The following CDH4 variants were observed in gnomAD, a reference collection of about 807,000 sequenced individuals.
CDH4 encodes the protein cadherin-4.
In CDH4, 33 loss-of-function variants were observed where a neutral mutation model predicts 86.0. The ratio of observed to expected loss-of-function variants is 0.38; its 90% CI spans 0.29 to 0.51. The LOEUF (loss-of-function observed/expected upper bound fraction) is 0.51, where lower values mean the gene tolerates loss of function less well. Among genes scored for constraint, CDH4 ranks in the 20% least tolerant of loss-of-function variants. CDH4 has a pLI of 0.86. For missense variants in CDH4, 1,114 were observed against 1,307.4 expected, an observed-to-expected ratio of 0.85 and a Z score of 2.28; for synonymous variants, 555 against 549.4, an observed-to-expected ratio of 1.01 and a Z score of -0.14.
rs372521090 is a variant in CDH4 at position 61,367,867 on chromosome 20, C to CTT, written c.169+112950_169+112951dup. Among the ~76,000 whole-genome samples the CTT allele has an allele frequency of 2.7e-3, 322 of 118,998 alleles. 3 individuals are homozygous for CTT. The highest frequency in any genetic ancestry group is 5.5e-3 in the African/African-American group (161 of 29,040). 78.1% of individuals were successfully genotyped at this position (118,998 alleles called of 152,430 possible). On this transcript the variant is annotated intron_variant, in intron 2 of 15. Transcript: ENST00000614565. ...GCCTGGAAATGCCTTTCTCCAGGATCTTTTTTTTTTTTTTTTTTTTTGAGA... is the reference window on the plus strand; with the variant it reads ...GCCTGGAAATGCCTTTCTCCAGGATCTTTTTTTTTTTTTTTTTTTTTTTGAGA...
At chr20:61,418,738 A>G (rs1274357700) in intron 2 of CDH4, among the ~76,000 whole-genome samples, 1 of 152,130 alleles carries the variant, frequency 6.6e-6, no homozygotes, top group Non-Finnish European at 1.5e-5. Context: ...GAAGCCTGAG[A>G]TGGAGGTATG....
chr20:61,683,986 T>G (rs553352933), intron 2 of CDH4, among the ~76,000 whole-genome samples: 5 of 152,294 alleles, frequency 3.3e-5, no homozygotes, highest in Non-Finnish European at 7.4e-5. Context: ...CATCATCCCC[T>G]TCCCAGGAGC....
intron 2 of CDH4, among the ~76,000 whole-genome samples, chr20:61,555,888 A>G (rs1223747912): frequency 6.6e-6 from 1 of 152,236 alleles, no homozygotes; most frequent in Non-Finnish European, 1.5e-5. Context: ...TAGTCGTGTG[A>G]CAATGTGATT....
intron 6 of CDH4, among the ~76,000 whole-genome samples, chr20:61,857,965 CTG>C (rs1347023572): frequency 6.8e-6 from 1 of 147,890 alleles, no homozygotes; most frequent in African/African-American, 2.5e-5. Context: ...GTGTGTGTCT[CTG>C]TGTGTCTCTG....
intron 2 of CDH4, among the ~76,000 whole-genome samples, chr20:61,610,089 T>C (rs2086673531): frequency 6.6e-6 from 1 of 152,170 alleles, no homozygotes; most frequent in Non-Finnish European, 1.5e-5. Flanking sequence ...GAACTTATTA[T>C]TTTTGTCTCA....
rs557185298 is a variant in CDH4 at position 61,496,024 on chromosome 20, T to C, written c.169+241087T>C. Among the ~76,000 whole-genome samples the C allele has an allele frequency of 2.6e-5, 4 of 152,156 alleles. No homozygotes were observed. In the South Asian group the frequency reaches 8.3e-4, roughly 32 times the overall value. On this transcript the variant is annotated intron_variant, in intron 2 of 15. Coordinates refer to ENST00000614565, the MANE Select transcript of CDH4 (RefSeq NM_001794.5). Reference sequence around the variant, plus strand: ...AAAGCTCCTCGAACATTTTTTTCTCTAGGTATTTCATTATGAAAATTTTCA... The same window carrying C: ...AAAGCTCCTCGAACATTTTTTTCTCCAGGTATTTCATTATGAAAATTTTCA...
chr20:61,446,769 C>T (rs1482020842), intron 2 of CDH4, among the ~76,000 whole-genome samples: 1 of 152,114 alleles, frequency 6.6e-6, no homozygotes, highest in African/African-American at 2.4e-5. Flanking sequence ...TGTCTGAGCA[C>T]CTGTCTCACC....
intron 2 of CDH4, among the ~76,000 whole-genome samples, chr20:61,528,400 G>A (rs2085926417): frequency 7.6e-6 from 1 of 131,882 alleles, no homozygotes; most frequent in African/African-American, 3.0e-5. Flanking sequence ...AGGAGGGGAA[G>A]GGAGGGGAGG....
chr20:61,760,315 T>A (rs940027097), intron 3 of CDH4, among the ~76,000 whole-genome samples: 3 of 152,162 alleles, frequency 2.0e-5, no homozygotes, highest in Non-Finnish European at 4.4e-5. Flanking sequence ...CTCTAAACTT[T>A]CCCCCAGGAC....
At chr20:61,583,170 CG>C (rs36088451) in intron 2 of CDH4, among the ~76,000 whole-genome samples, 27,866 of 47,870 alleles carry the variant, frequency 0.58, 10,422 homozygotes, top group Non-Finnish European at 0.68. Context: ...GAGGGCTCTG[CG>C]GGGGGGACAG....
At chr20:61,905,620 C>T (rs1375165157) in intron 8 of CDH4, among the ~76,000 whole-genome samples, 4 of 152,360 alleles carry the variant, frequency 2.6e-5, no homozygotes, top group African/African-American at 7.2e-5. Flanking sequence ...GTGCTAGCCA[C>T]ACCTTCTGCC....
chr20:61,527,785 G>C (rs2085921666), intron 2 of CDH4, among the ~76,000 whole-genome samples: 1 of 152,092 alleles, frequency 6.6e-6, no homozygotes, highest in South Asian at 2.1e-4. Flanking sequence ...TCCCCTTCCA[G>C]AGGCATCTCG....
intron 4 of CDH4, among the ~76,000 whole-genome samples, chr20:61,808,387 C>T (rs373830974): frequency 1.1e-4 from 16 of 152,230 alleles, no homozygotes; most frequent in East Asian, 5.8e-4. Flanking sequence ...AATACAGCTA[C>T]GTCTCTGTGC....
rs2086064853 is a variant in CDH4, at chr20:61,544,706, G to T, written c.170-198857G>T. On this transcript the variant is annotated intron_variant, in intron 2 of 15. Transcript: ENST00000614565. The surrounding 1 kb of genome is among the most constrained non-coding windows in gnomAD (Gnocchi z 6.5). Reference sequence around the variant, plus strand: ...ACTCCTGCCTTCTGCCACAGTTGCAGTTTGGGATAATTTTGGTGGAGAAAG... The same window carrying T: ...ACTCCTGCCTTCTGCCACAGTTGCATTTTGGGATAATTTTGGTGGAGAAAG... Among the ~76,000 whole-genome samples, 1 of 152,120 alleles carries T rather than the reference G, an allele frequency of 6.6e-6. No individual in the cohort carries two copies. Among genetic ancestry groups the T allele is most frequent in the South Asian group, 2.1e-4 (1 of 4,830 alleles).
intron 4 of CDH4, among the ~76,000 whole-genome samples, chr20:61,777,799 C>CA (rs1191255408): frequency 0.017 from 2,593 of 149,442 alleles, 48 homozygotes; most frequent in African/African-American, 0.03. Flanking sequence ...TGCGCACACA[C>CA]GTGCATACAA....
chr20:61,695,748 C>T (rs961697950), intron 2 of CDH4, among the ~76,000 whole-genome samples: 5 of 152,226 alleles, frequency 3.3e-5, no homozygotes, highest in Admixed American at 1.3e-4. Context: ...CCTGGCATCT[C>T]ATCTAGCTGG....
At chr20:61,532,158 C>T (rs1181884929) in intron 2 of CDH4, among the ~76,000 whole-genome samples, 2 of 152,222 alleles carry the variant, frequency 1.3e-5, no homozygotes, top group Non-Finnish European at 1.5e-5. Flanking sequence ...ACTGATGACA[C>T]CATCCCCAAT....
intron 2 of CDH4, chr20:61,599,652 C>T (rs530146460): frequency 5.0e-6 from 1 of 199,038 alleles, no homozygotes; most frequent in Admixed American, 6.5e-5. Flanking sequence ...ATAGCCCTGT[C>T]CCAGTGAAAG....
At chr20:61,845,026 C>A (rs1330145988) in intron 5 of CDH4, among the ~76,000 whole-genome samples, 1 of 152,250 alleles carries the variant, frequency 6.6e-6, no homozygotes, top group Non-Finnish European at 1.5e-5. Context: ...GCAGGGTGGG[C>A]CCAGGGTGGG....
Sources: allele counts gnomAD v4.1 joint callset (sites outside exome capture counted in the v4.1 genomes callset), GRCh38; gene constraint gnomAD v4.1.1; non-coding constraint Gnocchi (gnomAD v3.1); transcripts MANE v1.5; gene names NCBI Gene and HGNC (gene_info 2026-07-23, HGNC 2026-07-21).